COPZ2: variants seen among roughly 807,000 people sequenced by gnomAD.
The protein encoded by COPZ2 is coatomer subunit zeta-2.
Under a neutral mutation model 33.2 loss-of-function variants are expected in COPZ2, and 30 were observed. That is an observed-to-expected ratio of 0.90 (90% CI 0.68 to 1.23). The LOEUF is 1.23. Among genes scored for constraint, COPZ2 ranks in the 50% most tolerant of loss-of-function variants. The probability of loss-of-function intolerance (pLI) is 0.00; values close to 1 mark genes in which losing one functional copy is unlikely to be tolerated. For synonymous variants in COPZ2, 89 were observed against 102.6 expected, an observed-to-expected ratio of 0.87 and a Z score of 0.80; for missense variants, 263 against 262.4, an observed-to-expected ratio of 1.00 and a Z score of -0.02.
At chr17:48,032,979 T>C (rs2036916587) in intron 4 of COPZ2, 1 of 594,448 alleles carries the variant, frequency 1.7e-6, no homozygotes, top group Admixed American at 3.0e-5. Flanking sequence ...GGACAAAGCC[T>C]CCCTTGAAGA....
At chr17:48,026,732 G>C (rs1370049918) in intron 8 of COPZ2, among the ~76,000 whole-genome samples, 1 of 152,236 alleles carries the variant, frequency 6.6e-6, no homozygotes, top group East Asian at 1.9e-4. Context: ...TGCAGCGTGG[G>C]TGTGGCAGCA....
At chr17:48,043,781 C>A in the COPZ2 span, among the ~76,000 whole-genome samples, 1 of 152,178 alleles carries the variant, frequency 6.6e-6, no homozygotes, top group Non-Finnish European at 1.5e-5. Flanking sequence ...GATGGCCCAA[C>A]TAGTAAGAAA....
Position 48,033,221 on chromosome 17 carries a change from T to A in COPZ2, c.350A>T (p.Tyr117Phe), listed in dbSNP as rs1453102731. ...DLFLYVVGSSYENELMLMSVL... is the reference protein window; with the variant it reads ...DLFLYVVGSSFENELMLMSVL... ...ACCTCCTGAATTCACCTCATTCTCGTAGGATGAGCCCACCACGTATAGGAA... is the reference window on the plus strand; with the variant it reads ...ACCTCCTGAATTCACCTCATTCTCGAAGGATGAGCCCACCACGTATAGGAA... Residue 117 changes from tyrosine to phenylalanine, a missense_variant, in exon 4 of 9, where the codon TAC (tyrosine) becomes TTC (phenylalanine). Physicochemically the swap from Tyr to Phe is conservative, Grantham distance 22. Transcript: ENST00000621465. 1 of 1,609,288 alleles carries A rather than the reference T, an allele frequency of 6.2e-7. No individual in the cohort carries two copies. Among genetic ancestry groups the A allele is most frequent in the Non-Finnish European group, 8.5e-7 (1 of 1,176,150 alleles).
At chr17:48,039,390 C>T (rs372019624), upstream of COPZ2, among the ~76,000 whole-genome samples, 9 of 150,982 alleles carry the variant, frequency 6.0e-5, no homozygotes, top group East Asian at 9.8e-4. Context: ...GAGAATCACC[C>T]GAGTCTGGGG....
chr17:48,026,872 G>A (rs917215667), intron 8 of COPZ2, among the ~76,000 whole-genome samples: 20 of 152,372 alleles, frequency 1.3e-4, no homozygotes, highest in African/African-American at 4.6e-4. Flanking sequence ...GCCATGGCTG[G>A]CAATGTGTCC....
rs2036844901 is a variant in COPZ2 at position 48,028,382 on chromosome 17, T to C, written c.585+90A>G. Reference sequence around the variant, plus strand: ...CCCTGATTTTTCAGACTTGATAACTTCACTGGGTCCCCCTAGGATGCTCTA... The same window carrying C: ...CCCTGATTTTTCAGACTTGATAACTCCACTGGGTCCCCCTAGGATGCTCTA... On this transcript the variant is annotated intron_variant, in intron 8 of 8. Transcript: ENST00000621465. This position sits in a 1 kb window ranked among gnomAD's most constrained non-coding sequence, Gnocchi z 4.5. The C allele has an allele frequency of 2.4e-5, 32 of 1,318,760 alleles. No homozygotes were observed. In the South Asian group the frequency reaches 3.9e-4, roughly 16 times the overall value. The allele number at this position is 1,318,760 out of a possible 1,614,324, so 81.7% of individuals were successfully genotyped here.
chr17:48,031,453 C>T (rs1314451058), intron 6 of COPZ2, among the ~76,000 whole-genome samples: 1 of 144,912 alleles, frequency 6.9e-6, no homozygotes, highest in African/African-American at 2.6e-5. Context: ...GAGACTCTGT[C>T]TCAAAAAAAA....
upstream of COPZ2, among the ~76,000 whole-genome samples, chr17:48,042,557 G>C (rs576399850): frequency 3.9e-5 from 6 of 152,276 alleles, no homozygotes; most frequent in South Asian, 2.1e-4. Flanking sequence ...TGCCTCCCGG[G>C]TTCAAGCAAT....
At chr17:48,041,617 G>A (rs919860601), upstream of COPZ2, among the ~76,000 whole-genome samples, 2 of 152,148 alleles carry the variant, frequency 1.3e-5, no homozygotes, top group African/African-American at 2.4e-5. Context: ...CAGGCTATCA[G>A]TTATAATAGG....
At position 48,032,595 on chromosome 17, in the gene COPZ2, G is replaced by T. The variant is rs182719454; in HGVS notation, c.416+91C>A. 5.4e-5 allele frequency: 55 copies of T among 1,021,986 alleles called. No individual in the cohort carries two copies. The Admixed American group carries it at 8.6e-4, about 16-fold the overall frequency. 63.3% of individuals were successfully genotyped at this position (1,021,986 alleles called of 1,614,324 possible). A position where few individuals can be genotyped will look rare whatever the true frequency, so the allele number is the denominator to read the frequency against. On this transcript the variant is annotated intron_variant, in intron 5 of 8. Coordinates refer to ENST00000621465, the MANE Select transcript of COPZ2 (RefSeq NM_016429.4). ...TCTTTTTGGATTATCTTAGTCTTGT[G>T]GGGACTTCAGGAGAAAAACAGGGAG... is the stretch of plus-strand genomic sequence containing the variant.
chr17:48,036,238 C>A (rs181974007), intron 2 of COPZ2, among the ~76,000 whole-genome samples: 1 of 152,036 alleles, frequency 6.6e-6, no homozygotes, highest in Non-Finnish European at 1.5e-5. Flanking sequence ...TCAAAAAACC[C>A]GAGTTTGCCT....
At chr17:48,044,164 TG>T in the COPZ2 span, among the ~76,000 whole-genome samples, 2 of 152,114 alleles carry the variant, frequency 1.3e-5, no homozygotes, top group East Asian at 3.9e-4. Context: ...CTGGCCAACA[TG>T]GCAAAACCCT....
chr17:48,039,129 C>T (rs181500517), upstream of COPZ2, among the ~76,000 whole-genome samples: 1 of 152,232 alleles, frequency 6.6e-6, no homozygotes, highest in African/African-American at 2.4e-5. Flanking sequence ...TGCATGCAAC[C>T]ACTCCCAGGT....
upstream of COPZ2, among the ~76,000 whole-genome samples, chr17:48,040,589 C>T (rs60736523): frequency 3.4e-3 from 515 of 151,698 alleles, 3 homozygotes; most frequent in Non-Finnish European, 4.9e-3. Flanking sequence ...CACACCACCA[C>T]GCCCAGCTAA....
rs764187367 is a variant in COPZ2 at position 48,037,241 on chromosome 17, G to A, written c.112-316C>T. On this transcript the variant is annotated intron_variant, in intron 1 of 8. Transcript: ENST00000621465. This position sits in a 1 kb window ranked among gnomAD's most constrained non-coding sequence, Gnocchi z 5.6. ...AGTGTATCACAGAACCTGGGCCGGG[G>A]GGGACAGCGGGCCGAGCCTCCTTCT... The A allele has an allele frequency of 1.7e-6, 1 of 596,254 alleles. No homozygotes were observed. Among genetic ancestry groups the A allele is most frequent in the Admixed American group, 2.3e-5 (1 of 43,800 alleles). The allele number at this position is 596,254 out of a possible 1,614,324, so 36.9% of individuals were successfully genotyped here.
chr17:48,029,704 C>T (rs1453119373), intron 6 of COPZ2, among the ~76,000 whole-genome samples: 1 of 150,208 alleles, frequency 6.7e-6, no homozygotes, highest in Non-Finnish European at 1.5e-5. Flanking sequence ...CACGGTGGCT[C>T]ATGCCTGTAA....
Position 48,037,696 on chromosome 17 carries a change from C to A in COPZ2, c.82G>T (p.Ala28Ser). The A allele has an allele frequency of 9.1e-7, 1 of 1,097,644 alleles. No individual in the cohort carries two copies. 68.0% of individuals were successfully genotyped at this position (1,097,644 alleles called of 1,614,324 possible). ...AAQAGGPAPP[A>S]RAGEPSGLRL... is the part of the protein sequence containing the mutation. ...AGCCCCGAGGGCTCCCCGGCTCGAG[C>A]AGGCGGCGCCGGGCCCCCGGCCTGG... Residue 28 changes from alanine to serine, a missense_variant, in exon 1 of 9, where the codon GCT becomes TCT. Coordinates refer to ENST00000621465, the MANE Select transcript of COPZ2 (RefSeq NM_016429.4). This position sits in a 1 kb window ranked among gnomAD's most constrained non-coding sequence, Gnocchi z 5.6.
At chr17:48,033,604 A>G (rs557109135) in intron 3 of COPZ2, among the ~76,000 whole-genome samples, 12 of 152,262 alleles carry the variant, frequency 7.9e-5, no homozygotes, top group South Asian at 2.1e-4. Flanking sequence ...TTGGGACCAC[A>G]ACACAGTTGG....
chr17:48,031,700 A>G (rs979797091), intron 6 of COPZ2: 3 of 180,390 alleles, frequency 1.7e-5, no homozygotes, highest in South Asian at 1.3e-4. Context: ...CCTCCATCCT[A>G]AAGATGGAGA....
Sources: allele counts gnomAD v4.1 joint callset (sites outside exome capture counted in the v4.1 genomes callset), GRCh38; gene constraint gnomAD v4.1.1; non-coding constraint Gnocchi (gnomAD v3.1); transcripts MANE v1.5; gene names NCBI Gene and HGNC (gene_info 2026-07-23, HGNC 2026-07-21).